The following NAV2 variants were observed in gnomAD, a reference collection of about 807,000 sequenced individuals.
The protein encoded by NAV2 is neuron navigator 2, also known as helicase, APC down-regulated 1.
In NAV2, 54 loss-of-function variants were observed where a neutral mutation model predicts 223.2. That is an observed-to-expected ratio of 0.24 (90% CI 0.19 to 0.30). The LOEUF is 0.30. Among genes scored for constraint, NAV2 ranks in the 10% least tolerant of loss-of-function variants. The pLI, the probability that NAV2 is intolerant of heterozygous loss-of-function variation, is 1.00. For synonymous variants in NAV2, 1,279 were observed against 1,239.3 expected, an observed-to-expected ratio of 1.03 and a Z score of -0.67; for missense variants, 2,806 against 3,147.5, an observed-to-expected ratio of 0.89 and a Z score of 2.60.
rs58499844 is a variant in NAV2 at position 19,825,291 on chromosome 11, CAAAAAAAAAAAAAA to C, written c.268-7176_268-7163del. On this transcript the variant is annotated intron_variant, in intron 1 of 37. Transcript: ENST00000349880. Reference sequence around the variant, plus strand: ...TGGGAGACAGAGTGAGACTCTGTCTCAAAAAAAAAAAAAAAAAAAAAAAAAAAAAAGGCATTATA... The same window carrying C: ...TGGGAGACAGAGTGAGACTCTGTCTCAAAAAAAAAAAAAAAAGGCATTATA... 2.9e-4 allele frequency among the ~76,000 whole-genome samples: 14 copies of C among 48,226 alleles called. 1 individual carries two copies. The Middle Eastern group carries it at 0.094, about 323-fold the overall frequency. 31.6% of individuals were successfully genotyped at this position (48,226 alleles called of 152,430 possible).
At chr11:19,691,102 A>G (rs1590096885) in intron 1 of NAV2, among the ~76,000 whole-genome samples, 1 of 152,348 alleles carries the variant, frequency 6.6e-6, no homozygotes, top group Middle Eastern at 3.4e-3. Flanking sequence ...AGAGTGGCCC[A>G]TGAATCTGCA....
At chr11:19,939,855 C>A in intron 8 of NAV2, 82 bp downstream of exon 8, 1 of 891,320 alleles carries the variant, frequency 1.1e-6, no homozygotes, top group Admixed American at 2.4e-5. Flanking sequence ...ATGAACCCAG[C>A]TTGATTACGA....
intron 3 of NAV2, among the ~76,000 whole-genome samples, chr11:19,858,214 C>G (rs963259068): frequency 2.6e-5 from 4 of 152,184 alleles, no homozygotes; most frequent in African/African-American, 7.2e-5. Context: ...CTCTCCATTT[C>G]CCCCATCCAC....
intron 11 of NAV2, among the ~76,000 whole-genome samples, chr11:19,987,360 G>A (rs987805195): frequency 1.3e-5 from 2 of 152,162 alleles, no homozygotes; most frequent in South Asian, 2.1e-4. Context: ...AAGATAGCCT[G>A]GTCCTTTTTC....
At chr11:19,520,877 C>A (rs2043630444) in intron 1 of NAV2, among the ~76,000 whole-genome samples, 1 of 152,176 alleles carries the variant, frequency 6.6e-6, no homozygotes, top group Non-Finnish European at 1.5e-5. Context: ...CCACTGCTGG[C>A]TGCCATTACC....
At chr11:19,550,329 G>T (rs1219945151) in intron 1 of NAV2, among the ~76,000 whole-genome samples, 1 of 152,172 alleles carries the variant, frequency 6.6e-6, no homozygotes, top group Non-Finnish European at 1.5e-5. Flanking sequence ...TAAGGAATAA[G>T]AAGTTAAAGG....
intron 1 of NAV2, among the ~76,000 whole-genome samples, chr11:19,476,513 C>A (rs552116304): frequency 6.6e-6 from 1 of 152,160 alleles, no homozygotes; most frequent in Non-Finnish European, 1.5e-5. Context: ...GCCATTCCTG[C>A]ACTCTCTTCC....
At chr11:19,848,710 T>C (rs1263676412) in intron 3 of NAV2, among the ~76,000 whole-genome samples, 2 of 152,218 alleles carry the variant, frequency 1.3e-5, no homozygotes, top group African/African-American at 4.8e-5. Flanking sequence ...CCTCAGTAGA[T>C]GTTAGCTCTT....
chr11:20,094,725 A>C (rs1419029934), intron 29 of NAV2, among the ~76,000 whole-genome samples: 4 of 152,158 alleles, frequency 2.6e-5, no homozygotes, highest in Admixed American at 2.6e-4. Flanking sequence ...ACAATTGAGA[A>C]ACCCGAGACC....
chr11:19,942,199 T>C (rs1001694657), intron 8 of NAV2, among the ~76,000 whole-genome samples: 1 of 152,198 alleles, frequency 6.6e-6, no homozygotes, highest in Non-Finnish European at 1.5e-5. Context: ...TTAGTGGGTA[T>C]ATCCTACATT....
In NAV2 at chr11:19,934,063, G is replaced by A. The variant is rs372319583; in HGVS notation, c.1819G>A (p.Gly607Ser). ...CCCCCAGCAGAAGCCCCAGCTGGAC[G>A]GCAGACACTCCAGTTCCTCTTCCAG... Reference protein sequence around the residue: ...GLPQQKPQLDGRHSSSSSSLA... With the variant: ...GLPQQKPQLDSRHSSSSSSLA... Residue 607 changes from glycine to serine, a missense_variant, in exon 7 of 38, where the codon GGC (glycine) becomes AGC (serine). By Grantham distance (56) the Gly-to-Ser change is moderately conservative. Transcript: ENST00000349880. 99 of 1,606,990 alleles carry A rather than the reference G, an allele frequency of 6.2e-5. No homozygotes were observed. Among genetic ancestry groups the A allele is most frequent in the African/African-American group, 2.7e-4 (20 of 74,692 alleles).
intron 1 of NAV2, among the ~76,000 whole-genome samples, chr11:19,816,269 C>T (rs554146239): frequency 4.4e-4 from 67 of 152,328 alleles, no homozygotes; most frequent in African/African-American, 1.3e-3. Flanking sequence ...TTCCTAGGGC[C>T]GGGCAGCGCC....
chr11:20,115,212 C>G (rs938136725), intron 37 of NAV2, among the ~76,000 whole-genome samples: 1 of 152,114 alleles, frequency 6.6e-6, no homozygotes, highest in Non-Finnish European at 1.5e-5. Context: ...AGGGAGAGGT[C>G]TGAGGGCAGG....
intron 32 of NAV2, among the ~76,000 whole-genome samples, chr11:20,102,702 T>C (rs2061725664): frequency 6.6e-6 from 1 of 152,130 alleles, no homozygotes; most frequent in African/African-American, 2.4e-5. Flanking sequence ...TCCTCTTCCA[T>C]TTTTGACATG....
At chr11:19,688,697 C>G in intron 1 of NAV2, among the ~76,000 whole-genome samples, 1 of 152,268 alleles carries the variant, frequency 6.6e-6, no homozygotes, top group African/African-American at 2.4e-5. Flanking sequence ...ACTAAGAGAG[C>G]TTTTGTGGGC....
rs756416254 is a variant in NAV2 at position 19,713,755 on chromosome 11, C to A, written c.60C>A (p.Ser20Arg). The A allele has an allele frequency of 1.2e-6, 2 of 1,612,008 alleles. No homozygotes were observed. Among genetic ancestry groups the A allele is most frequent in the Non-Finnish European group, 1.7e-6 (2 of 1,179,238 alleles). The change falls in exon 1 of 38, where the codon AGC becomes AGA. Residue 20 changes from serine to arginine, a missense_variant. Around this residue, in one of 4 missense-constraint regions of NAV2, gnomAD observed 1,167 missense variants for 1,180.5 expected, o/e 0.99. Coordinates refer to ENST00000349880, the MANE Select transcript of NAV2 (RefSeq NM_145117.5). The surrounding 1 kb of genome is among the most constrained non-coding windows in gnomAD (Gnocchi z 7.2). The stretch of plus-strand genomic sequence containing the variant: ...CGGGACTGCCCAAACCCGTGCACAG[C>A]GCCGCGCCCATCCTGCACGTGCCCC... ...MKSGLPKPVH[S>R]AAPILHVPPA... is the part of the protein sequence containing the mutation.
intron 10 of NAV2, among the ~76,000 whole-genome samples, chr11:19,981,772 A>G (rs1474236842): frequency 6.6e-6 from 1 of 152,230 alleles, no homozygotes; most frequent in African/African-American, 2.4e-5. Flanking sequence ...ATGGATGCCC[A>G]TAACCCATTA....
chr11:20,106,175 A>ATG (rs1201940130), intron 35 of NAV2, among the ~76,000 whole-genome samples: 15 of 35,824 alleles, frequency 4.2e-4, no homozygotes, highest in African/African-American at 1.2e-3. Context: ...ATATATATAT[A>ATG]TGTGTGTGTA....
intron 1 of NAV2, among the ~76,000 whole-genome samples, chr11:19,499,618 C>T (rs2042901884): frequency 6.6e-6 from 1 of 152,144 alleles, no homozygotes; most frequent in Non-Finnish European, 1.5e-5. Context: ...GACAGCTTAA[C>T]CTTGCTCAGC....
Sources: allele counts gnomAD v4.1 joint callset (sites outside exome capture counted in the v4.1 genomes callset), GRCh38; gene constraint gnomAD v4.1.1; regional missense constraint gnomAD v4.1.1; non-coding constraint Gnocchi (gnomAD v3.1); transcripts MANE v1.5; gene names NCBI Gene and HGNC (gene_info 2026-07-23, HGNC 2026-07-21).